CFHR4: variants seen among roughly 807,000 people sequenced by gnomAD.
CFHR4 encodes complement factor H related 4.
Under a neutral mutation model 69.3 loss-of-function variants are expected in CFHR4, and 64 were observed. The ratio of observed to expected loss-of-function variants is 0.92; its 90% CI spans 0.76 to 1.14. CFHR4 has a LOEUF of 1.14. CFHR4 is among the 50% of genes most tolerant of loss of function. The pLI, the probability that CFHR4 is intolerant of heterozygous loss-of-function variation, is 0.00. For synonymous variants in CFHR4, 244 were observed against 237.0 expected, an observed-to-expected ratio of 1.03 and a Z score of -0.27; for missense variants, 636 against 684.9, an observed-to-expected ratio of 0.93 and a Z score of 0.80.
At chr1:196,888,790 ATACTT>A (rs1324284334) in intron 1 of CFHR4, among the ~76,000 whole-genome samples, 2 of 151,502 alleles carry the variant, frequency 1.3e-5, no homozygotes, top group Non-Finnish European at 2.9e-5. Context: ...AGCAGAATAT[ATACTT>A]AACTTACATT....
intron 2 of CFHR4, among the ~76,000 whole-genome samples, chr1:196,904,424 C>T (rs535562613): frequency 6.6e-6 from 1 of 151,512 alleles, no homozygotes; most frequent in African/African-American, 2.4e-5. Flanking sequence ...AAAGAACATA[C>T]ACATTATTAA....
At chr1:196,894,267 T>C (rs1183973140) in intron 1 of CFHR4, among the ~76,000 whole-genome samples, 7 of 151,632 alleles carry the variant, frequency 4.6e-5, no homozygotes, top group Admixed American at 3.9e-4. Context: ...TAAAAGCTTT[T>C]AGGTTAATAA....
chr1:196,899,572 G>A lies in CFHR4; in HGVS notation c.59-2846G>A, dbSNP rs138149848. 1.8e-3 allele frequency among the ~76,000 whole-genome samples: 273 copies of A among 151,650 alleles called. 6 individuals carry two copies. Among genetic ancestry groups the A allele is most frequent in the African/African-American group, 6.2e-3 (256 of 41,192 alleles). On this transcript the variant is annotated intron_variant, in intron 1 of 9. Transcript: ENST00000608469. ...GGCCTCCCAAGGTGTTCGGATTATCGTGCCCAAACCCAGATGAATTGTCAA... is the reference window on the plus strand; with the variant it reads ...GGCCTCCCAAGGTGTTCGGATTATCATGCCCAAACCCAGATGAATTGTCAA...
Position 196,912,037 on chromosome 1 carries a change from T to C in CFHR4, c.998-703T>C, listed in dbSNP as rs962279172. On this transcript the variant is annotated intron_variant, in intron 6 of 9. Transcript: ENST00000608469. Reference sequence around the variant, plus strand: ...TACTAATTAGAAAAGAACATATACATTACTAATATCTTAAAACATATACAT... The same window carrying C: ...TACTAATTAGAAAAGAACATATACACTACTAATATCTTAAAACATATACAT... Among the ~76,000 whole-genome samples the C allele has an allele frequency of 1.3e-4, 20 of 151,360 alleles. 2 individuals carry two copies. Among genetic ancestry groups the C allele is most frequent in the African/African-American group, 4.6e-4 (19 of 40,994 alleles).
intron 9 of CFHR4, among the ~76,000 whole-genome samples, chr1:196,917,063 G>T (rs771063827): frequency 1.3e-5 from 2 of 151,656 alleles, no homozygotes; most frequent in Non-Finnish European, 2.9e-5. Context: ...GCCTCTGAAT[G>T]TATTGAAGAG....
At chr1:196,915,950 T>A (rs1658596313) in intron 9 of CFHR4, among the ~76,000 whole-genome samples, 1 of 151,634 alleles carries the variant, frequency 6.6e-6, no homozygotes, top group Non-Finnish European at 1.5e-5. Context: ...ACATAGCTGG[T>A]TAACACTGAG....
chr1:196,905,145 A>T lies in CFHR4; in HGVS notation c.294A>T (p.Gly98=), dbSNP rs778309042. 123 of 1,604,160 alleles carry T rather than the reference A, an allele frequency of 7.7e-5. 1 individual carries two copies. Among genetic ancestry groups the T allele is most frequent in the Non-Finnish European group, 1.0e-4 (123 of 1,176,114 alleles). ...AATCAGATGTAGAAATTGAAAATGG[A>T]TTCATTTCTGAATCTTCCTCTATTT... The part of the protein sequence containing the change: ...CSKSDVEIEN[G]FISESSSIYI... Residue 98 remains glycine (G), a synonymous_variant, in exon 3 of 10, where the codon GGA becomes GGT. Coordinates refer to ENST00000608469, the MANE Select transcript of CFHR4 (RefSeq NM_001201550.3).
intron 9 of CFHR4, among the ~76,000 whole-genome samples, chr1:196,917,616 A>T (rs1298601419): frequency 6.6e-6 from 1 of 151,366 alleles, no homozygotes; most frequent in African/African-American, 2.4e-5. Flanking sequence ...TGACAGGGAT[A>T]GATGATGGTG....
chr1:196,916,813 C>T lies in CFHR4; in HGVS notation c.1541-1397C>T, dbSNP rs12748879. Among the ~76,000 whole-genome samples, 220 of 148,874 alleles carry T rather than the reference C, an allele frequency of 1.5e-3. 4 individuals are homozygous for T. Among genetic ancestry groups the T allele is most frequent in the African/African-American group, 5.0e-3 (201 of 39,932 alleles). On this transcript the variant is annotated intron_variant, in intron 9 of 9. Coordinates refer to ENST00000608469, the MANE Select transcript of CFHR4 (RefSeq NM_001201550.3). ...AAAGGATTATAATTATCTGAAGATA[C>T]AAGATCAGTTCCATGATACAAGCAA...
intron 8 of CFHR4, 50 bp from the exon 9 acceptor site, chr1:196,914,906 T>C (rs757127098): frequency 1.1e-5 from 18 of 1,585,336 alleles, no homozygotes; most frequent in Non-Finnish European, 3.4e-6. Flanking sequence ...TTTAGAAAGT[T>C]TCCAATAAGA....
chr1:196,894,172 A>G (rs1423189996), intron 1 of CFHR4, among the ~76,000 whole-genome samples: 1 of 151,568 alleles, frequency 6.6e-6, no homozygotes, highest in Non-Finnish European at 1.5e-5. Flanking sequence ...TCATGTGCCC[A>G]AAACTTAATA....
chr1:196,900,566 A>G (rs1657551076), intron 1 of CFHR4, among the ~76,000 whole-genome samples: 1 of 151,360 alleles, frequency 6.6e-6, no homozygotes, highest in Non-Finnish European at 1.5e-5. Flanking sequence ...TCAGAAAACT[A>G]AAGTTTAAAT....
chr1:196,903,622 CAGACTCGGTGATAGAGCA>C lies in CFHR4; in HGVS notation c.256+1014_256+1031del, dbSNP rs545163870. On this transcript the variant is annotated intron_variant, in intron 2 of 9. Transcript: ENST00000608469. Reference sequence around the variant, plus strand: ...GAGCTGAGATTAGACCACTGCACTCCAGACTCGGTGATAGAGCAAGACTCTGTCTCAAGAAAAGAAAAA... The same window carrying C: ...GAGCTGAGATTAGACCACTGCACTCCAGACTCTGTCTCAAGAAAAGAAAAA... 4.3e-4 allele frequency among the ~76,000 whole-genome samples: 64 copies of C among 150,586 alleles called. 2 individuals carry two copies. The highest frequency in any genetic ancestry group is 7.4e-4 in the Non-Finnish European group (50 of 67,842).
intron 1 of CFHR4, among the ~76,000 whole-genome samples, chr1:196,898,422 A>G (rs1657422666): frequency 6.6e-6 from 1 of 151,620 alleles, no homozygotes; most frequent in African/African-American, 2.4e-5. Flanking sequence ...GAGTTTTGAG[A>G]AGTCTTTGCT....
Position 196,918,495 on chromosome 1 carries a change from G to C in CFHR4, c.*89G>C. The C allele has an allele frequency of 7.8e-7, 1 of 1,278,554 alleles. No individual in the cohort carries two copies. Among genetic ancestry groups the C allele is most frequent in the Non-Finnish European group, 1.1e-6 (1 of 887,508 alleles). The allele number at this position is 1,278,554 out of a possible 1,614,324, so 79.2% of individuals were successfully genotyped here. On this transcript the variant is annotated 3_prime_UTR_variant, in exon 10 of 10. Coordinates refer to ENST00000608469, the MANE Select transcript of CFHR4 (RefSeq NM_001201550.3). ...TGCAAAGATAGCTTCTGATATTGTT[G>C]TAATTTCTACTTTATTTCAAAGAAA...
In CFHR4 at chr1:196,908,623, A is replaced by C. The variant is rs868378029; in HGVS notation, c.799+1125A>C. 4.5e-4 allele frequency among the ~76,000 whole-genome samples: 68 copies of C among 151,472 alleles called. 2 individuals carry two copies. Among genetic ancestry groups the C allele is most frequent in the African/African-American group, 1.5e-3 (63 of 41,062 alleles). ...ACAAATCCTATGAACTTGAAGAAAC[A>C]CAATTCAAAAAATATGAGCCAAAAT... On this transcript the variant is annotated intron_variant, in intron 5 of 9. Transcript: ENST00000608469.
intron 7 of CFHR4, 113 bp from the exon 8 acceptor site, chr1:196,914,382 C>T: frequency 2.8e-6 from 3 of 1,065,808 alleles, no homozygotes; most frequent in Non-Finnish European, 3.9e-6. Context: ...TAATAGTACT[C>T]AATTTATTAG....
chr1:196,904,938 C>T (rs193137584), intron 2 of CFHR4, among the ~76,000 whole-genome samples, 170 bp from the exon 3 acceptor site: 2 of 151,690 alleles, frequency 1.3e-5, no homozygotes, highest in East Asian at 3.9e-4. Flanking sequence ...TGTGTTTTCA[C>T]TATTTTCTTT....
rs1474006087 is a variant in CFHR4, at chr1:196,910,338, C to CG, written c.858dup (p.Arg287AlafsTer2). 1 of 1,611,694 alleles carries CG rather than the reference C, an allele frequency of 6.2e-7. No individual in the cohort carries two copies. Among genetic ancestry groups the CG allele is most frequent in the Non-Finnish European group, 8.5e-7 (1 of 1,179,008 alleles). The stretch of plus-strand genomic sequence containing the variant: ...CATGGACATCTATATTATGAGAATA[C>CG]GCGTAGACCATACTTTCCAGTAGCT... On this transcript the variant is annotated frameshift_variant, in exon 6 of 10. Coordinates refer to ENST00000608469, the MANE Select transcript of CFHR4 (RefSeq NM_001201550.3). LOFTEE classifies it high-confidence loss of function.
Sources: allele counts gnomAD v4.1 joint callset (sites outside exome capture counted in the v4.1 genomes callset), GRCh38; gene constraint gnomAD v4.1.1; transcripts MANE v1.5; gene names NCBI Gene and HGNC (gene_info 2026-07-23, HGNC 2026-07-21).